The following ANXA11 variants were observed in gnomAD, a reference collection of about 807,000 sequenced individuals.
ANXA11 encodes 56 kDa autoantigen.
Under a neutral mutation model 64.7 loss-of-function variants are expected in ANXA11, and 57 were observed. The ratio of observed to expected loss-of-function variants is 0.88; its 90% CI spans 0.71 to 1.10. ANXA11 has a LOEUF of 1.10. Ranked by LOEUF, ANXA11 falls within the 50% of genes least tolerant of loss-of-function variation. The probability of loss-of-function intolerance (pLI) is 0.00; values close to 1 mark genes in which losing one functional copy is unlikely to be tolerated. For missense variants in ANXA11, 675 were observed against 670.7 expected (o/e 1.01, Z -0.07); for synonymous variants, 260 against 265.2 (o/e 0.98, Z 0.19).
intron 12 of ANXA11, among the ~76,000 whole-genome samples, chr10:80,160,528 C>A (rs1845463538): frequency 6.6e-6 from 1 of 152,166 alleles, no homozygotes; most frequent in Admixed American, 6.5e-5. Flanking sequence ...CACAGCCCAC[C>A]AGTTGCTCCG....
At chr10:80,194,376 G>A (rs1242343059) in intron 1 of ANXA11, among the ~76,000 whole-genome samples, 1 of 152,116 alleles carries the variant, frequency 6.6e-6, no homozygotes, top group Non-Finnish European at 1.5e-5. Flanking sequence ...GAGGCACCAG[G>A]GGCTGGGCTA....
chr10:80,189,351 C>A (rs1202256949), intron 1 of ANXA11, among the ~76,000 whole-genome samples: 4 of 152,194 alleles, frequency 2.6e-5, no homozygotes, highest in Admixed American at 6.5e-5. Context: ...CAGACAAAGA[C>A]ACAACCCTGC....
chr10:80,174,476 C>T (rs999914446), intron 2 of ANXA11, among the ~76,000 whole-genome samples: 3 of 152,098 alleles, frequency 2.0e-5, no homozygotes, highest in African/African-American at 7.2e-5. Flanking sequence ...AGGGTTTCAC[C>T]ATGTTGGCCA....
rs138741116 is a variant in ANXA11, at chr10:80,166,040, GCGCACACACACA to G, written c.858+32_858+43del. The G allele has an allele frequency of 0.4, 431,986 of 1,074,894 alleles. 60,088 individuals carry two copies. The highest frequency in any genetic ancestry group is 0.47 in the East Asian group (18,899 of 40,478). The allele number at this position is 1,074,894 out of a possible 1,614,324, so 66.6% of individuals were successfully genotyped here. On this transcript the variant is annotated intron_variant, in intron 8 of 15. Transcript: ENST00000422982. ...CGCATGCGCGCGTGCGCACACACGC[GCGCACACACACA>G]CACACACACACACACACACACACGT...
intron 1 of ANXA11, among the ~76,000 whole-genome samples, chr10:80,178,270 A>G (rs764957549): frequency 6.6e-6 from 1 of 151,804 alleles, no homozygotes; most frequent in Non-Finnish European, 1.5e-5. Flanking sequence ...ACCCTGACCA[A>G]TGCCTCTCTC....
intron 12 of ANXA11, among the ~76,000 whole-genome samples, chr10:80,161,051 C>G (rs1235534587): frequency 1.3e-5 from 2 of 152,190 alleles, no homozygotes; most frequent in South Asian, 4.1e-4. Flanking sequence ...TGGCCTTGCA[C>G]CCTTCACTCC....
chr10:80,167,446 C>T lies in ANXA11; in HGVS notation c.562-133G>A, dbSNP rs1589425558. 8.2e-6 allele frequency: 6 copies of T among 733,688 alleles called. No homozygotes were observed. In the South Asian group the frequency reaches 8.5e-5, roughly 10 times the overall value. 45.4% of individuals were successfully genotyped at this position (733,688 alleles called of 1,614,324 possible). ...AGTATCTAAAGGAGTCCACAGTCAA[C>T]AATGCAGAGGACTTTACGCCGCGTC... On this transcript the variant is annotated intron_variant, in intron 5 of 15. Coordinates refer to ENST00000422982, the MANE Select transcript of ANXA11 (RefSeq NM_145868.2).
At chr10:80,157,404 A>G in intron 15 of ANXA11, 2 of 985,370 alleles carry the variant, frequency 2.0e-6, no homozygotes, top group African/African-American at 1.7e-5. Flanking sequence ...GGAGGTCCCG[A>G]GTGTTCTCTG....
At chr10:80,184,346 G>C (rs1846460298) in intron 1 of ANXA11, among the ~76,000 whole-genome samples, 1 of 152,128 alleles carries the variant, frequency 6.6e-6, no homozygotes, top group African/African-American at 2.4e-5. Flanking sequence ...AACTTATGAT[G>C]GTTCGACTTA....
chr10:80,168,577 T>G (rs1049100992), intron 5 of ANXA11, among the ~76,000 whole-genome samples: 1 of 152,160 alleles, frequency 6.6e-6, no homozygotes, highest in African/African-American at 2.4e-5. Context: ...TCACCTAGGC[T>G]GGAGTGAGTG....
intron 2 of ANXA11, among the ~76,000 whole-genome samples, chr10:80,173,995 C>T (rs1846075260): frequency 6.6e-6 from 1 of 152,208 alleles, no homozygotes; most frequent in African/African-American, 2.4e-5. Flanking sequence ...CTGTTCTAGC[C>T]ACGCTATCCA....
chr10:80,166,869 C>A, intron 7 of ANXA11, 21 bp downstream of exon 7: 1 of 1,578,720 alleles, frequency 6.3e-7, no homozygotes, highest in Non-Finnish European at 8.6e-7. Context: ...CACTGTCCCG[C>A]GCCCCCACCC....
At chr10:80,170,965 G>A (rs774365838) in intron 3 of ANXA11, 50 bp from the exon 4 acceptor site, 36 of 1,551,128 alleles carry the variant, frequency 2.3e-5, no homozygotes, top group South Asian at 4.9e-5. Context: ...CCCACCACAC[G>A]GGGAAAGGCA....
At chr10:80,185,977 A>G (rs139004494) in intron 1 of ANXA11, among the ~76,000 whole-genome samples, 17 of 151,052 alleles carry the variant, frequency 1.1e-4, no homozygotes, top group African/African-American at 4.2e-4. Flanking sequence ...ATACTTCATT[A>G]AAGGTACTTC....
chr10:80,166,466 G>A (rs1845744674), intron 7 of ANXA11: 3 of 454,182 alleles, frequency 6.6e-6, no homozygotes, highest in South Asian at 5.4e-5. Flanking sequence ...AATATTTACC[G>A]AATTTTTATC....
Position 80,205,500 on chromosome 10 carries a change from G to A in ANXA11, c.-215C>T, listed in dbSNP as rs1840637983. ...GGGGCACTCGGGGCACTGGGGAGCC[G>A]CGGGCGCAGCAGCCGTCAGCGCCGG... On this transcript the variant is annotated 5_prime_UTR_variant, in exon 1 of 16. Transcript: ENST00000422982. 6.6e-6 allele frequency: 1 copy of A among 151,990 alleles called. No homozygotes were observed. Among genetic ancestry groups the A allele is most frequent in the Non-Finnish European group, 1.5e-5 (1 of 67,966 alleles). The allele number at this position is 151,990 out of a possible 1,614,324, so 9.4% of individuals were successfully genotyped here.
At chr10:80,201,936 G>A (rs1166794566) in intron 1 of ANXA11, among the ~76,000 whole-genome samples, 1 of 152,094 alleles carries the variant, frequency 6.6e-6, no homozygotes. Flanking sequence ...GAGGGGCAGG[G>A]GACACCTGAC....
chr10:80,202,613 T>G (rs980753571), intron 1 of ANXA11, among the ~76,000 whole-genome samples: 1 of 151,852 alleles, frequency 6.6e-6, no homozygotes, highest in Middle Eastern at 3.4e-3. Flanking sequence ...GATCAGAGGG[T>G]GTTGCAGAGA....
In ANXA11 at chr10:80,179,452, C is replaced by T. The variant is rs114214126; in HGVS notation, c.-57-3297G>A. 2.2e-3 allele frequency among the ~76,000 whole-genome samples: 328 copies of T among 152,306 alleles called. 1 individual carries two copies. Among genetic ancestry groups the T allele is most frequent in the African/African-American group, 7.4e-3 (307 of 41,560 alleles). ...CCAGTTTCAGATATTTCTTTATAGT[C>T]GTGTGAGAATGGACGAATATACTCT... On this transcript the variant is annotated intron_variant, in intron 1 of 15. Coordinates refer to ENST00000422982, the MANE Select transcript of ANXA11 (RefSeq NM_145868.2).
Sources: gnomAD v4.1 joint callset for allele counts (sites outside exome capture counted in the v4.1 genomes callset) on GRCh38, gnomAD v4.1.1 for gene constraint, MANE v1.5 for transcripts, NCBI Gene and HGNC (gene_info 2026-07-23, HGNC 2026-07-21) for gene names.